The following THAP4 variants were observed in gnomAD, a reference collection of about 807,000 sequenced individuals.
THAP4 encodes the protein peroxynitrite isomerase THAP4.
THAP4 carries 18 observed loss-of-function variants against 48.1 expected under a neutral mutation model. That is an observed-to-expected ratio of 0.37 (90% CI 0.26 to 0.56). The LOEUF (loss-of-function observed/expected upper bound fraction) is 0.56. THAP4 is among the 20% of genes least tolerant of loss of function. The pLI is 0.78. For synonymous variants in THAP4, 345 were observed against 324.9 expected (o/e 1.06, Z -0.66); for missense variants, 656 against 774.9 (o/e 0.85, Z 1.82).
intron 5 of THAP4, among the ~76,000 whole-genome samples, chr2:241,596,697 T>A (rs1575020605): frequency 6.6e-6 from 1 of 151,734 alleles, no homozygotes; most frequent in African/African-American, 2.4e-5. Context: ...TCCCAGCTAC[T>A]CAGGAGGCTG....
At chr2:241,622,522 G>A (rs1233853402) in intron 2 of THAP4, among the ~76,000 whole-genome samples, 1 of 152,034 alleles carries the variant, frequency 6.6e-6, no homozygotes, top group East Asian at 1.9e-4. Flanking sequence ...AAAAAAGGGA[G>A]AGCATCAGAG....
chr2:241,601,821 G>T lies in THAP4; in HGVS notation c.1614+75C>A. The T allele has an allele frequency of 6.3e-7, 1 of 1,591,918 alleles. No homozygotes were observed. The highest frequency in any genetic ancestry group is 8.6e-7 in the Non-Finnish European group (1 of 1,169,080). On this transcript the variant is annotated intron_variant, in intron 5 of 5. Coordinates refer to ENST00000407315, the MANE Select transcript of THAP4 (RefSeq NM_015963.6). The surrounding 1 kb of genome is among the most constrained non-coding windows in gnomAD (Gnocchi z 4.0). ...GTGGCAAGACACGCACTACCTCACGGAAGAGGAAGAGGCTGACTCCACAGA... is the reference window on the plus strand; with the variant it reads ...GTGGCAAGACACGCACTACCTCACGTAAGAGGAAGAGGCTGACTCCACAGA...
At position 241,601,050 on chromosome 2, in the gene THAP4, G is replaced by A. The variant is rs1329557679; in HGVS notation, c.1614+846C>T. Among the ~76,000 whole-genome samples the A allele has an allele frequency of 3.3e-5, 5 of 151,908 alleles. No individual in the cohort carries two copies. The highest frequency in any genetic ancestry group is 2.1e-4 in the South Asian group (1 of 4,824). ...TCCCAGCACTTTGGGAGGCTGAGGCGGGTGGATCACCTGAAGTCAGGAATT... is the reference window on the plus strand; with the variant it reads ...TCCCAGCACTTTGGGAGGCTGAGGCAGGTGGATCACCTGAAGTCAGGAATT... On this transcript the variant is annotated intron_variant, in intron 5 of 5. Transcript: ENST00000407315. The surrounding 1 kb of genome is among the most constrained non-coding windows in gnomAD (Gnocchi z 4.0).
At chr2:241,589,132 G>C (rs1323949950) in intron 5 of THAP4, among the ~76,000 whole-genome samples, 1 of 150,316 alleles carries the variant, frequency 6.7e-6, no homozygotes, top group Non-Finnish European at 1.5e-5. Context: ...ATAATCGCTT[G>C]AATCTGGGAG....
At chr2:241,621,420 G>A (rs900688206) in intron 2 of THAP4, among the ~76,000 whole-genome samples, 1 of 152,124 alleles carries the variant, frequency 6.6e-6, no homozygotes, top group Non-Finnish European at 1.5e-5. Flanking sequence ...GTGGGTGATA[G>A]GCAAGAAAAC....
rs951171569 is a variant in THAP4, at chr2:241,610,326, T to G, written c.1241-3853A>C. ...TCAGGCGCCGCATCTCCGCCCTCTC[T>G]TGCGCCTGCGGGACCGGGAGGGCCG... On this transcript the variant is annotated intron_variant, in intron 2 of 5. Transcript: ENST00000407315. The surrounding 1 kb of genome is among the most constrained non-coding windows in gnomAD (Gnocchi z 4.2). Among the ~76,000 whole-genome samples the G allele has an allele frequency of 2.0e-5, 3 of 151,990 alleles. No homozygotes were observed. Among genetic ancestry groups the G allele is most frequent in the Non-Finnish European group, 4.4e-5 (3 of 67,968 alleles).
chr2:241,614,035 C>A lies in THAP4; in HGVS notation c.1241-7562G>T, dbSNP rs934336737. Among the ~76,000 whole-genome samples the A allele has an allele frequency of 2.6e-5, 4 of 151,864 alleles. No homozygotes were observed. The South Asian group carries it at 8.3e-4, about 32-fold the overall frequency. On this transcript the variant is annotated intron_variant, in intron 2 of 5. Transcript: ENST00000407315. ...CAGGCATGGTGGTGCGTGTCTGTAG[C>A]CCCCGCTACTTGGGAGGGTAGGTGG...
chr2:241,617,422 G>A (rs1482276381), intron 2 of THAP4: 1 of 1,551,036 alleles, frequency 6.4e-7, no homozygotes, highest in African/African-American at 1.4e-5. Context: ...CCATCCCTAA[G>A]TTTTCTAAAC....
At chr2:241,627,093 CCT>C (rs1169134480) in intron 2 of THAP4, among the ~76,000 whole-genome samples, 1 of 152,048 alleles carries the variant, frequency 6.6e-6, no homozygotes, top group Admixed American at 6.6e-5. Flanking sequence ...ATTCCTTCAC[CCT>C]CTCACCCCCT....
At chr2:241,619,817 A>C (rs2067395197) in intron 2 of THAP4, among the ~76,000 whole-genome samples, 1 of 76,152 alleles carries the variant, frequency 1.3e-5, no homozygotes, top group Non-Finnish European at 2.5e-5. Flanking sequence ...GTGAGGGGTG[A>C]GTGAGTTGTG....
Position 241,633,737 on chromosome 2 carries a change from C to G in THAP4, c.420G>C (p.Glu140Asp), listed in dbSNP as rs746410042. ...SSSGNPMAKP[E>D]SRRLKQAALQ... ...GAGCAGCTTGCTTCAACCTGCGGGA[C>G]TCTGGCTTGGCCATCGGGTTTCCAC... The change falls in exon 2 of 6, where the codon GAG becomes GAC. Residue 140 changes from glutamate (E) to aspartate (D), a missense_variant. Glu to Asp is a conservative substitution (Grantham distance 45, BLOSUM62 2). Coordinates refer to ENST00000407315, the MANE Select transcript of THAP4 (RefSeq NM_015963.6). This position sits in a 1 kb window ranked among gnomAD's most constrained non-coding sequence, Gnocchi z 7.5. 1 of 1,612,166 alleles carries G rather than the reference C, an allele frequency of 6.2e-7. No homozygotes were observed. Among genetic ancestry groups the G allele is most frequent in the South Asian group, 1.1e-5 (1 of 91,036 alleles).
At chr2:241,585,869 TGC>T (rs2066887208) in intron 5 of THAP4, among the ~76,000 whole-genome samples, 2 of 126,818 alleles carry the variant, frequency 1.6e-5, no homozygotes, top group South Asian at 2.6e-4. Context: ...GCCGAGATCA[TGC>T]CACTGCACTT....
rs1021207016 is a variant in THAP4, at chr2:241,637,136, G to A, written c.-119C>T. The A allele has an allele frequency of 3.7e-5, 37 of 994,054 alleles. No individual in the cohort carries two copies. The highest frequency in any genetic ancestry group is 4.3e-5 in the Non-Finnish European group (36 of 837,378). The allele number at this position is 994,054 out of a possible 1,614,324, so 61.6% of individuals were successfully genotyped here. The stretch of plus-strand genomic sequence containing the variant: ...GGCTCGGGACGTGGGCCGGCCCGCG[G>A]CGTCCGCGCCGTACGGCAAGATGGA... On this transcript the variant is annotated 5_prime_UTR_variant, in exon 1 of 6. Transcript: ENST00000407315.
intron 3 of THAP4, among the ~76,000 whole-genome samples, chr2:241,604,706 G>A (rs2067157880): frequency 6.6e-6 from 1 of 152,052 alleles, no homozygotes. Flanking sequence ...CACCGCACCT[G>A]GCCAAGATAA....
intron 2 of THAP4, among the ~76,000 whole-genome samples, chr2:241,620,209 GGGGT>G (rs1167208576): frequency 1.0e-5 from 1 of 95,584 alleles, no homozygotes; most frequent in Non-Finnish European, 2.1e-5. Context: ...GAGTGAGTGA[GGGGT>G]GAGTGAGTCG....
At chr2:241,591,912 A>G (rs1381306254) in intron 5 of THAP4, 1 of 152,250 alleles carries the variant, frequency 6.6e-6, no homozygotes, top group Non-Finnish European at 1.5e-5. Flanking sequence ...TTCAAAAACA[A>G]TTTGTAAAAC....
intron 2 of THAP4, among the ~76,000 whole-genome samples, chr2:241,623,318 G>A (rs1032183483): frequency 1.3e-5 from 2 of 152,042 alleles, no homozygotes; most frequent in Admixed American, 6.6e-5. Flanking sequence ...GGTGGCTCAC[G>A]TCTGTAATCC....
chr2:241,601,183 C>T lies in THAP4; in HGVS notation c.1614+713G>A, dbSNP rs775603265. ...ATCCCAGCTACCCAGGAGGCCGAGG[C>T]AGGAGAATCGCTTGAACCTGAGAGG... On this transcript the variant is annotated intron_variant, in intron 5 of 5. Transcript: ENST00000407315. The surrounding 1 kb of genome is among the most constrained non-coding windows in gnomAD (Gnocchi z 4.0). 3.3e-5 allele frequency among the ~76,000 whole-genome samples: 5 copies of T among 152,138 alleles called. No homozygotes were observed. Among genetic ancestry groups the T allele is most frequent in the Admixed American group, 6.5e-5 (1 of 15,272 alleles).
At chr2:241,604,493 T>C (rs1377850681) in intron 3 of THAP4, among the ~76,000 whole-genome samples, 6 of 152,120 alleles carry the variant, frequency 3.9e-5, no homozygotes, top group Admixed American at 3.9e-4. Context: ...TCAGGTGATC[T>C]GCCCACCTCA....
Sources: allele counts gnomAD v4.1 joint callset (sites outside exome capture counted in the v4.1 genomes callset), GRCh38; gene constraint gnomAD v4.1.1; non-coding constraint Gnocchi (gnomAD v3.1); transcripts MANE v1.5; gene names NCBI Gene and HGNC (gene_info 2026-07-23, HGNC 2026-07-21).